Variants in EDAR observed in about 807,000 individuals in gnomAD.
The protein encoded by EDAR is tumor necrosis factor receptor superfamily member EDAR.
EDAR carries 38 observed loss-of-function variants against 51.3 expected under a neutral mutation model. That is an observed-to-expected ratio of 0.74 (90% CI 0.57 to 0.97). The LOEUF (loss-of-function observed/expected upper bound fraction) is 0.97, where lower values mean the gene tolerates loss of function less well. Among genes scored for constraint, EDAR ranks in the 50% least tolerant of loss-of-function variants. EDAR has a pLI of 0.00. For missense variants in EDAR, 528 were observed against 595.0 expected (o/e 0.89, Z 1.17); for synonymous variants, 227 against 242.1 (o/e 0.94, Z 0.58).
At chr2:108,936,700 T>C (rs1382962316) in intron 1 of EDAR, among the ~76,000 whole-genome samples, 3 of 152,148 alleles carry the variant, frequency 2.0e-5, no homozygotes, top group African/African-American at 7.2e-5. Flanking sequence ...TGAAAACACT[T>C]CCATTTGATG....
At chr2:108,910,312 A>C (rs1696893566) in intron 9 of EDAR, 148 bp downstream of exon 9, 2 of 674,062 alleles carry the variant, frequency 3.0e-6, no homozygotes, top group Middle Eastern at 4.1e-4. Context: ...GCCAGTCAGC[A>C]AAGAGGTGGT....
At chr2:108,930,930 G>T (rs1365600339) in intron 2 of EDAR, 34 bp downstream of exon 2, 1 of 1,611,876 alleles carries the variant, frequency 6.2e-7, no homozygotes, top group Admixed American at 1.7e-5. Flanking sequence ...TGAGGATGAG[G>T]GTGCTGTGGG....
intron 1 of EDAR, among the ~76,000 whole-genome samples, chr2:108,972,926 C>T (rs1258909098): frequency 1.3e-5 from 2 of 152,208 alleles, no homozygotes; most frequent in African/African-American, 4.8e-5. Flanking sequence ...ACCTGTGCTC[C>T]AAGTCCAAAG....
intron 1 of EDAR, among the ~76,000 whole-genome samples, chr2:108,950,020 A>G (rs372734086): frequency 9.8e-5 from 15 of 152,318 alleles, no homozygotes; most frequent in South Asian, 8.3e-4. Context: ...CAATTGTCAG[A>G]TGGTTTATTC....
intron 11 of EDAR, among the ~76,000 whole-genome samples, chr2:108,901,467 T>C (rs1348582365): frequency 1.3e-5 from 2 of 152,058 alleles, no homozygotes; most frequent in East Asian, 3.8e-4. Flanking sequence ...ATAAGTAATT[T>C]AGAAATAAGA....
intron 11 of EDAR, among the ~76,000 whole-genome samples, chr2:108,904,842 A>G (rs1402603285): frequency 6.6e-6 from 1 of 152,190 alleles, no homozygotes; most frequent in Non-Finnish European, 1.5e-5. Context: ...GGCTGTGGCT[A>G]TAAAAGGCAA....
intron 5 of EDAR, among the ~76,000 whole-genome samples, chr2:108,914,333 A>C (rs1036666710): frequency 6.6e-6 from 1 of 152,166 alleles, no homozygotes; most frequent in Non-Finnish European, 1.5e-5. Context: ...GGAGGAAAAG[A>C]ACTACCCATG....
At chr2:108,975,061 A>G (rs1698298812) in intron 1 of EDAR, among the ~76,000 whole-genome samples, 1 of 152,178 alleles carries the variant, frequency 6.6e-6, no homozygotes, top group African/African-American at 2.4e-5. Flanking sequence ...CCATTGTGGA[A>G]TCTGCTTTTC....
intron 1 of EDAR, among the ~76,000 whole-genome samples, chr2:108,982,855 C>T (rs891314761): frequency 3.9e-5 from 6 of 152,154 alleles, no homozygotes; most frequent in South Asian, 2.1e-4. Context: ...AGGACATTGG[C>T]GGGGTTCACA....
intron 1 of EDAR, among the ~76,000 whole-genome samples, chr2:108,977,413 C>T (rs1416863431): frequency 2.0e-5 from 3 of 152,132 alleles, no homozygotes; most frequent in South Asian, 2.1e-4. Context: ...GGACTACAGG[C>T]ACCCGCCACC....
At chr2:108,925,146 G>A (rs746957070) in intron 4 of EDAR, among the ~76,000 whole-genome samples, 14 of 152,348 alleles carry the variant, frequency 9.2e-5, no homozygotes, top group African/African-American at 1.9e-4. Flanking sequence ...TATTGGTCCC[G>A]CTCCTGGGCT....
chr2:108,897,755 A>G (rs1031947077), intron 11 of EDAR, among the ~76,000 whole-genome samples: 1 of 152,218 alleles, frequency 6.6e-6, no homozygotes, highest in African/African-American at 2.4e-5. Flanking sequence ...AGACTCACCT[A>G]GGAGCATTTA....
Position 108,894,869 on chromosome 2 carries a change from A to G in EDAR, c.*2038T>C, listed in dbSNP as rs1286122639. On this transcript the variant is annotated 3_prime_UTR_variant, in exon 12 of 12. Transcript: ENST00000258443. ...CTGGCCTTACAGCCCCAGAATTCTA[A>G]TAGTGTGAAATGAGGCCAAAGCACC... 6.6e-6 allele frequency: 1 copy of G among 152,236 alleles called. No individual in the cohort carries two copies. The highest frequency in any genetic ancestry group is 1.5e-5 in the Non-Finnish European group (1 of 68,066). 9.4% of individuals were successfully genotyped at this position (152,236 alleles called of 1,614,324 possible).
At chr2:108,924,180 G>C (rs1465039298) in intron 4 of EDAR, among the ~76,000 whole-genome samples, 2 of 152,248 alleles carry the variant, frequency 1.3e-5, no homozygotes, top group African/African-American at 4.8e-5. Context: ...AGCTCCCAGT[G>C]ATGTTCCATT....
At chr2:108,971,205 G>A (rs1316576789) in intron 1 of EDAR, among the ~76,000 whole-genome samples, 1 of 152,162 alleles carries the variant, frequency 6.6e-6, no homozygotes, top group East Asian at 1.9e-4. Context: ...TGTTCCATGA[G>A]GGTGGGAATC....
In EDAR at chr2:108,919,801, C is replaced by T. The variant is rs62151087; in HGVS notation, c.442+3567G>A. On this transcript the variant is annotated intron_variant, in intron 5 of 11. Coordinates refer to ENST00000258443, the MANE Select transcript of EDAR (RefSeq NM_022336.4). ...GGGCACCTGCCCTCTCCCCGCACTACGAAGCTGCCTCATGGGGAGCCCTTC... is the reference window on the plus strand; with the variant it reads ...GGGCACCTGCCCTCTCCCCGCACTATGAAGCTGCCTCATGGGGAGCCCTTC... 5.5e-3 allele frequency among the ~76,000 whole-genome samples: 842 copies of T among 152,332 alleles called. 4 individuals are homozygous for T. The highest frequency in any genetic ancestry group is 7.6e-3 in the Non-Finnish European group (517 of 68,042).
intron 11 of EDAR, among the ~76,000 whole-genome samples, chr2:108,905,983 G>A (rs1696794811): frequency 6.6e-6 from 1 of 152,168 alleles, no homozygotes; most frequent in South Asian, 2.1e-4. Flanking sequence ...TGTGGACACG[G>A]TCTCTGGGGA....
In EDAR at chr2:108,988,714, T is replaced by G. The variant is rs553984079; in HGVS notation, c.-19+246A>C. Among the ~76,000 whole-genome samples the G allele has an allele frequency of 3.3e-5, 5 of 152,258 alleles. No homozygotes were observed. In the South Asian group the frequency reaches 8.3e-4, roughly 25 times the overall value. On this transcript the variant is annotated intron_variant, in intron 1 of 11. Transcript: ENST00000258443. ...GCCTGTGAAGCACACACAGAATTTG[T>G]CTCCCTAACCAAATGTGCAACCAAC...
chr2:108,910,741 G>A (rs768070647), intron 8 of EDAR, 35 bp downstream of exon 8: 12 of 1,608,780 alleles, frequency 7.5e-6, no homozygotes, highest in East Asian at 2.2e-5. Context: ...GATGGGCACC[G>A]TGCACATGGT....
Sources: allele counts gnomAD v4.1 joint callset (sites outside exome capture counted in the v4.1 genomes callset), GRCh38; gene constraint gnomAD v4.1.1; transcripts MANE v1.5; gene names NCBI Gene and HGNC (gene_info 2026-07-23, HGNC 2026-07-21).